Variants in MRPL35 observed in about 807,000 individuals in gnomAD.
MRPL35 encodes the protein mitochondrial ribosomal protein L35.
In MRPL35, 18 loss-of-function variants were observed where a neutral mutation model predicts 21.6. That is an observed-to-expected ratio of 0.83 (90% CI 0.58 to 1.24). The LOEUF (loss-of-function observed/expected upper bound fraction) is 1.24. MRPL35 is among the 50% of genes most tolerant of loss of function. The pLI is 0.00. For synonymous variants in MRPL35, 87 were observed against 86.9 expected (o/e 1.00, Z -0.01); for missense variants, 223 against 223.2 (o/e 1.00, Z 0.01).
intron 3 of MRPL35, among the ~76,000 whole-genome samples, chr2:86,208,988 A>G (rs1016514778): frequency 6.6e-6 from 1 of 152,218 alleles, no homozygotes; most frequent in African/African-American, 2.4e-5. Context: ...AAAAATTTCA[A>G]GCATTTTCAT....
chr2:86,200,986 C>T (rs143460256), intron 1 of MRPL35, among the ~76,000 whole-genome samples: 39 of 152,260 alleles, frequency 2.6e-4, no homozygotes, highest in African/African-American at 7.9e-4. Flanking sequence ...TATTATATGA[C>T]TGTGCCACAA....
chr2:86,211,978 A>C lies in MRPL35; in HGVS notation c.*1310A>C, dbSNP rs1673909458. 1 of 988,148 alleles carries C rather than the reference A, an allele frequency of 1.0e-6. No homozygotes were observed. Among genetic ancestry groups the C allele is most frequent in the African/African-American group, 1.7e-5 (1 of 57,344 alleles). 61.2% of individuals were successfully genotyped at this position (988,148 alleles called of 1,614,324 possible). On this transcript the variant is annotated 3_prime_UTR_variant, in exon 4 of 4. Transcript: ENST00000337109. The stretch of plus-strand genomic sequence containing the variant: ...GTTTACTTGAAGTGGGCAGGGAAGC[A>C]GCACTGAGTAAAGTTCAATTGAGTG...
intron 1 of MRPL35, among the ~76,000 whole-genome samples, chr2:86,202,351 C>T (rs1673700650): frequency 6.6e-6 from 1 of 152,208 alleles, no homozygotes; most frequent in Non-Finnish European, 1.5e-5. Flanking sequence ...TTCACAAATA[C>T]ATTAACAAGC....
At chr2:86,203,015 T>A (rs1411429036) in intron 1 of MRPL35, among the ~76,000 whole-genome samples, 2 of 151,740 alleles carry the variant, frequency 1.3e-5, no homozygotes. Context: ...CATATTAATA[T>A]ACAGGTTAGG....
intron 3 of MRPL35, among the ~76,000 whole-genome samples, chr2:86,209,205 TA>T (rs1673856505): frequency 6.6e-6 from 1 of 152,242 alleles, no homozygotes; most frequent in Non-Finnish European, 1.5e-5. Flanking sequence ...TCTAGCATTC[TA>T]AAACCAGAAC....
intron 1 of MRPL35, among the ~76,000 whole-genome samples, chr2:86,200,421 C>G (rs1210204585): frequency 2.0e-5 from 3 of 152,130 alleles, no homozygotes; most frequent in Admixed American, 6.5e-5. Context: ...CAGAAGCCTC[C>G]TCTCCCCTAT....
At chr2:86,205,972 A>G in intron 1 of MRPL35, 134 bp from the exon 2 acceptor site, 1 of 771,632 alleles carries the variant, frequency 1.3e-6, no homozygotes, top group East Asian at 2.5e-5. Flanking sequence ...AGGTGGTAAA[A>G]GCTTCACAGA....
chr2:86,207,547 T>C (rs2103913143), intron 3 of MRPL35, among the ~76,000 whole-genome samples: 1 of 152,282 alleles, frequency 6.6e-6, no homozygotes, highest in South Asian at 2.1e-4. Flanking sequence ...AGGCACATAA[T>C]TGCTTGAACC....
At chr2:86,206,367 C>T (rs1673792405) in intron 2 of MRPL35, 72 bp downstream of exon 2, 2 of 1,412,216 alleles carry the variant, frequency 1.4e-6, no homozygotes, top group Admixed American at 2.1e-5. Context: ...GAGTCTCACT[C>T]TGTTGCCCAG....
At position 86,212,357 on chromosome 2, in the gene MRPL35, T is replaced by G. The variant is rs1012083663; in HGVS notation, c.*1689T>G. On this transcript the variant is annotated 3_prime_UTR_variant, in exon 4 of 4. Coordinates refer to ENST00000337109, the MANE Select transcript of MRPL35 (RefSeq NM_016622.4). ...TAAAGAACAGACATTTGATTTGAGG[T>G]GAGGTAAAAGCCTGAAACATGGAAT... The G allele has an allele frequency of 1.2e-6, 2 of 1,612,212 alleles. No individual in the cohort carries two copies. Among genetic ancestry groups the G allele is most frequent in the African/African-American group, 2.7e-5 (2 of 74,818 alleles).
intron 1 of MRPL35, among the ~76,000 whole-genome samples, chr2:86,199,862 A>G (rs745715032): frequency 3.3e-5 from 5 of 152,252 alleles, no homozygotes; most frequent in Non-Finnish European, 5.9e-5. Context: ...ACGACCTGCC[A>G]TTCACGACCT....
chr2:86,204,893 A>G (rs1021523044), intron 1 of MRPL35, among the ~76,000 whole-genome samples: 5 of 152,248 alleles, frequency 3.3e-5, no homozygotes, highest in African/African-American at 9.6e-5. Flanking sequence ...CTTAATTACT[A>G]ATAGCCTACT....
chr2:86,207,026 T>C (rs1197609819), intron 2 of MRPL35, among the ~76,000 whole-genome samples, 157 bp from the exon 3 acceptor site: 1 of 152,194 alleles, frequency 6.6e-6, no homozygotes. Context: ...CTATTCTAAT[T>C]TATGCTTAAT....
In MRPL35 at chr2:86,211,166, T is replaced by G. The variant is rs1673895751; in HGVS notation, c.*498T>G. The G allele has an allele frequency of 2.0e-6, 2 of 985,406 alleles. No individual in the cohort carries two copies. The highest frequency in any genetic ancestry group is 2.4e-6 in the Non-Finnish European group (2 of 829,846). 61.0% of individuals were successfully genotyped at this position (985,406 alleles called of 1,614,324 possible). On this transcript the variant is annotated 3_prime_UTR_variant, in exon 4 of 4. Transcript: ENST00000337109. ...GGGCTCTGCATGCATGTGACTTGCT[T>G]CTTTTTGCATTGTTAACTCCATTCT...
rs1160719752 is a variant in MRPL35 at position 86,207,259 on chromosome 2, A to G, written c.310A>G (p.Arg104Gly). 1.2e-6 allele frequency: 2 copies of G among 1,614,020 alleles called. No homozygotes were observed. The highest frequency in any genetic ancestry group is 1.3e-5 in the African/African-American group (1 of 74,948). The change falls in exon 3 of 4, where the codon AGA becomes GGA. Residue 104 changes from arginine (R) to glycine (G), a missense_variant. Arg to Gly is a moderately radical substitution (Grantham distance 125). Coordinates refer to ENST00000337109, the MANE Select transcript of MRPL35 (RefSeq NM_016622.4). Reference sequence around the variant, plus strand: ...ATACTTCAGTGCAAGAAAAGGCAAGAGAAAGACCGTGAAAGCTGTCATCGA... The same window carrying G: ...ATACTTCAGTGCAAGAAAAGGCAAGGGAAAGACCGTGAAAGCTGTCATCGA... ...LTYFSARKGK[R>G]KTVKAVIDRF...
Position 86,207,288 on chromosome 2 carries a change from G to A in MRPL35, c.339G>A (p.Arg113=), listed in dbSNP as rs2103912791. 1.2e-6 allele frequency: 2 copies of A among 1,613,940 alleles called. No individual in the cohort carries two copies. The highest frequency in any genetic ancestry group is 1.7e-6 in the Non-Finnish European group (2 of 1,179,884). ...KRKTVKAVID[R]FLRLHCGLWV... ...AGACCGTGAAAGCTGTCATCGATAG[G>A]TTTCTTCGACTTCATTGTGGCCTTT... Residue 113 remains arginine (R), a synonymous_variant, in exon 3 of 4, where the codon AGG becomes AGA. Transcript: ENST00000337109.
rs1417414358 is a variant in MRPL35 at position 86,207,412 on chromosome 2, G to A, written c.378+85G>A. ...ACGCCTATAATCCCAGCACTTTGGC[G>A]GGTGGATCATAAGGTCAGGAGTTCA... On this transcript the variant is annotated intron_variant, in intron 3 of 3. Transcript: ENST00000337109. 2.8e-5 allele frequency: 40 copies of A among 1,454,156 alleles called. No individual in the cohort carries two copies. Among genetic ancestry groups the A allele is most frequent in the Admixed American group, 1.1e-4 (5 of 44,342 alleles). 90.1% of individuals were successfully genotyped at this position (1,454,156 alleles called of 1,614,324 possible).
rs1052060 is a variant in MRPL35, at chr2:86,210,617, C to G, written c.516C>G (p.Tyr172Ter). Residue 172 changes from tyrosine (Y) to a stop codon, truncating the protein, a stop_gained, in exon 4 of 4, where the codon TAC becomes TAG. Coordinates refer to ENST00000337109, the MANE Select transcript of MRPL35 (RefSeq NM_016622.4). LOFTEE classifies it high-confidence loss of function. ...CCTTCTGGAAGAGGCGAAACTGGTA[C>G]GTTGATGATCCTTATCAGAAGTATC... ...TTSFWKRRNWYVDDPYQKYHD... is the reference protein window; with the variant it reads ...TTSFWKRRNW 6.2e-7 allele frequency: 1 copy of G among 1,613,730 alleles called. No homozygotes were observed. Among genetic ancestry groups the G allele is most frequent in the South Asian group, 1.1e-5 (1 of 91,056 alleles).
At chr2:86,204,839 G>T (rs1054480140) in intron 1 of MRPL35, among the ~76,000 whole-genome samples, 2 of 152,302 alleles carry the variant, frequency 1.3e-5, no homozygotes, top group East Asian at 3.9e-4. Flanking sequence ...CCAAGCAGTT[G>T]AAAATCAAGT....
Sources: gnomAD v4.1 joint callset for allele counts (sites outside exome capture counted in the v4.1 genomes callset) on GRCh38, gnomAD v4.1.1 for gene constraint, MANE v1.5 for transcripts, NCBI Gene and HGNC (gene_info 2026-07-23, HGNC 2026-07-21) for gene names.